ZDHHC9: variants seen among roughly 807,000 people sequenced by gnomAD.
ZDHHC9 encodes zDHHC palmitoyltransferase 9, also known as palmitoyltransferase ZDHHC9.
Under a neutral mutation model 26.6 loss-of-function variants are expected in ZDHHC9, and 3 were observed. The ratio of observed to expected loss-of-function variants is 0.11; its 90% CI spans 0.05 to 0.29. ZDHHC9 has a LOEUF of 0.29. ZDHHC9 is among the 10% of genes least tolerant of loss of function. ZDHHC9 has a pLI of 1.00. For synonymous variants in ZDHHC9, 111 were observed against 109.4 expected, an observed-to-expected ratio of 1.01 and a Z score of -0.09; for missense variants, 146 against 296.4, an observed-to-expected ratio of 0.49 and a Z score of 3.73.
chrX:129,840,701 C>T (rs972150707), intron 3 of ZDHHC9, among the ~76,000 whole-genome samples: 1 of 111,220 alleles, frequency 9.0e-6, no homozygotes, highest in Non-Finnish European at 1.9e-5. Flanking sequence ...TGCTGTTACT[C>T]AAGCCAGCTG....
chrX:129,819,219 A>G (rs1927829031), intron 5 of ZDHHC9, among the ~76,000 whole-genome samples: 1 of 109,647 alleles, frequency 9.1e-6, no homozygotes, highest in Non-Finnish European at 1.9e-5. Flanking sequence ...ATCAATTTGA[A>G]AGAAAAGTGA....
chrX:129,843,073 T>A (rs999604034), intron 2 of ZDHHC9, among the ~76,000 whole-genome samples, 186 bp downstream of exon 2: 1 of 112,515 alleles, frequency 8.9e-6, no homozygotes, highest in Admixed American at 9.3e-5. Flanking sequence ...TGCCCCACGC[T>A]GGCAGGACTG....
intron 5 of ZDHHC9, among the ~76,000 whole-genome samples, chrX:129,822,513 CGTAGATG>C (rs1927913608): frequency 9.1e-6 from 1 of 110,390 alleles, no homozygotes; most frequent in Non-Finnish European, 1.9e-5. Flanking sequence ...GGGCTTAAAA[CGTAGATG>C]ACAGGTTGAT....
At chrX:129,832,806 A>AATAAATAAATAAATAAATAC (rs1556007928) in intron 3 of ZDHHC9, among the ~76,000 whole-genome samples, 2 of 107,220 alleles carry the variant, frequency 1.9e-5, no homozygotes, top group African/African-American at 6.9e-5. Flanking sequence ...TAAATAAATA[A>AATAAATAAATAAATAAATAC]ATAAATACAT....
chrX:129,837,195 A>G (rs1928280246), intron 3 of ZDHHC9, among the ~76,000 whole-genome samples: 1 of 111,846 alleles, frequency 8.9e-6, no homozygotes, highest in East Asian at 2.8e-4. Flanking sequence ...AAGTACATCT[A>G]GAATGTTTTA....
intron 4 of ZDHHC9, among the ~76,000 whole-genome samples, chrX:129,827,124 G>A (rs992629228): frequency 9.1e-6 from 1 of 110,088 alleles, no homozygotes; most frequent in African/African-American, 3.3e-5. Flanking sequence ...AACCTGGGAG[G>A]TGGGGGTTGC....
At chrX:129,835,389 G>A (rs1269307428) in intron 3 of ZDHHC9, among the ~76,000 whole-genome samples, 3 of 105,592 alleles carry the variant, frequency 2.8e-5, no homozygotes, top group Non-Finnish European at 5.8e-5. Flanking sequence ...AGAGGATGCA[G>A]TGAGCCAAGA....
At chrX:129,823,649 C>T in intron 5 of ZDHHC9, 30 bp downstream of exon 5, 4 of 1,211,094 alleles carry the variant, frequency 3.3e-6, no homozygotes, top group Non-Finnish European at 4.5e-6. Flanking sequence ...CAGCCTTTTC[C>T]CTAGGCAATG....
chrX:129,803,616 T>C lies in ZDHHC9; in HGVS notation c.*2754A>G, dbSNP rs1927443260. 1 of 111,975 alleles carries C rather than the reference T, an allele frequency of 8.9e-6. No homozygotes were observed. Among genetic ancestry groups the C allele is most frequent in the Non-Finnish European group, 1.9e-5 (1 of 53,173 alleles). 9.2% of individuals were successfully genotyped at this position (111,975 alleles called of 1,213,427 possible). On this transcript the variant is annotated 3_prime_UTR_variant, in exon 11 of 11. Coordinates refer to ENST00000357166, the MANE Select transcript of ZDHHC9 (RefSeq NM_016032.4). ...CTGCTACGGAATCAGAATCCACCTCTAACCCAACCTCACTCCTGGGGTAAA... is the reference window on the plus strand; with the variant it reads ...CTGCTACGGAATCAGAATCCACCTCCAACCCAACCTCACTCCTGGGGTAAA...
intron 3 of ZDHHC9, among the ~76,000 whole-genome samples, chrX:129,831,732 G>A (rs1486223262): frequency 4.5e-5 from 5 of 111,907 alleles, no homozygotes; most frequent in African/African-American, 1.6e-4. Context: ...TAGTGAGTGG[G>A]TGTGGCTGGG....
At position 129,839,345 on chromosome X, in the gene ZDHHC9, G is replaced by A. The variant is rs913112556; in HGVS notation, c.167+2434C>T. On this transcript the variant is annotated intron_variant, in intron 3 of 10. Transcript: ENST00000357166. ...CCTGCCTCAGCCTTCCGAGTAGCTG[G>A]GACTACAGGCGCACAACAGCCACAC... Among the ~76,000 whole-genome samples the A allele has an allele frequency of 3.2e-4, 35 of 109,353 alleles. No homozygotes were observed. In the Middle Eastern group the frequency reaches 0.014, roughly 43 times the overall value. 95.0% of individuals were successfully genotyped at this position (109,353 alleles called of 115,157 possible). A position where few individuals can be genotyped will look rare whatever the true frequency, so the allele number is the denominator to read the frequency against.
At chrX:129,818,161 G>A (rs1164429456) in intron 5 of ZDHHC9, among the ~76,000 whole-genome samples, 2 of 111,878 alleles carry the variant, frequency 1.8e-5, no homozygotes, top group Non-Finnish European at 3.8e-5. Flanking sequence ...CCAGTAGTGT[G>A]TGAGCACAGA....
At chrX:129,826,161 A>G (rs1322029276) in intron 4 of ZDHHC9, among the ~76,000 whole-genome samples, 5 of 111,934 alleles carry the variant, frequency 4.5e-5, no homozygotes, top group African/African-American at 1.6e-4. Context: ...AAACAATAAC[A>G]ATGTGTCACA....
At chrX:129,835,173 A>G (rs1928228675) in intron 3 of ZDHHC9, among the ~76,000 whole-genome samples, 1 of 112,481 alleles carries the variant, frequency 8.9e-6, no homozygotes, top group African/African-American at 3.2e-5. Context: ...GGAGCCAGGC[A>G]TGGTGGCTTA....
At chrX:129,832,964 CAA>C (rs11317653) in intron 3 of ZDHHC9, among the ~76,000 whole-genome samples, 14 of 35,032 alleles carry the variant, frequency 4.0e-4, no homozygotes, top group African/African-American at 7.5e-4. Flanking sequence ...GACTCCACCT[CAA>C]AAAAAAAAAA....
chrX:129,807,109 A>G (rs1927533258), intron 10 of ZDHHC9, among the ~76,000 whole-genome samples: 1 of 112,786 alleles, frequency 8.9e-6, no homozygotes, highest in Admixed American at 9.4e-5. Context: ...TAGGAAAGGC[A>G]AAGTAGAGAA....
chrX:129,823,452 T>C (rs1927936187), intron 5 of ZDHHC9: 1 of 407,212 alleles, frequency 2.5e-6, no homozygotes, highest in African/African-American at 2.5e-5. Context: ...ACTAAAGAGG[T>C]TTTTGTAAAG....
At chrX:129,826,836 G>T (rs948710692) in intron 4 of ZDHHC9, among the ~76,000 whole-genome samples, 1 of 111,786 alleles carries the variant, frequency 8.9e-6, no homozygotes, top group East Asian at 2.8e-4. Context: ...ACTAAAACAG[G>T]CTGGAATTTT....
intron 10 of ZDHHC9, among the ~76,000 whole-genome samples, chrX:129,809,901 G>A (rs1927596540): frequency 9.3e-6 from 1 of 107,946 alleles, no homozygotes; most frequent in African/African-American, 3.4e-5. Flanking sequence ...AGGAGGCTGA[G>A]GCAGGAGAAC....
Sources: allele counts gnomAD v4.1 joint callset (sites outside exome capture counted in the v4.1 genomes callset), GRCh38; gene constraint gnomAD v4.1.1; transcripts MANE v1.5; gene names NCBI Gene and HGNC (gene_info 2026-07-23, HGNC 2026-07-21).